Variants in CELF4 observed in about 807,000 individuals in gnomAD.
CELF4 encodes the protein CUG-BP- and ETR-3-like factor 4.
In CELF4, 18 loss-of-function variants were observed where a neutral mutation model predicts 59.9. That is an observed-to-expected ratio of 0.30 (90% CI 0.21 to 0.45). CELF4 has a LOEUF of 0.45. CELF4 is among the 20% of genes least tolerant of loss of function. The pLI is 1.00. For synonymous variants in CELF4, 261 were observed against 267.1 expected (o/e 0.98, Z 0.22); for missense variants, 456 against 689.0 (o/e 0.66, Z 3.79).
At chr18:37,469,603 A>G (rs193266535) in intron 2 of CELF4, among the ~76,000 whole-genome samples, 2 of 152,228 alleles carry the variant, frequency 1.3e-5, no homozygotes, top group South Asian at 4.1e-4. Flanking sequence ...AATTAAAACA[A>G]GCACATCGCA....
At chr18:37,428,605 T>C (rs966412725) in intron 2 of CELF4, among the ~76,000 whole-genome samples, 2 of 152,232 alleles carry the variant, frequency 1.3e-5, no homozygotes, top group Non-Finnish European at 1.5e-5. Context: ...ACAGGACTTA[T>C]GATTTCAGTT....
At chr18:37,281,185 C>T (rs886798757) in intron 3 of CELF4, among the ~76,000 whole-genome samples, 16 of 152,244 alleles carry the variant, frequency 1.1e-4, no homozygotes, top group African/African-American at 3.9e-4. Flanking sequence ...TCTGCTGCCC[C>T]ACCCTAGCCA....
intron 2 of CELF4, among the ~76,000 whole-genome samples, chr18:37,380,792 A>AATCCATGAATCCATCC (rs1557394355): frequency 1.5e-5 from 2 of 134,758 alleles, no homozygotes; most frequent in African/African-American, 5.8e-5. Context: ...TTTCTCCATG[A>AATCCATGAATCCATCC]ATCCATCCAT....
intron 1 of CELF4, among the ~76,000 whole-genome samples, chr18:37,534,243 G>T (rs551534191): frequency 4.5e-4 from 68 of 152,162 alleles, no homozygotes; most frequent in African/African-American, 1.5e-3. Flanking sequence ...TACAGTCCTC[G>T]CCGTCATTAA....
At chr18:37,390,108 C>A (rs962821326) in intron 2 of CELF4, among the ~76,000 whole-genome samples, 1 of 152,220 alleles carries the variant, frequency 6.6e-6, no homozygotes, top group African/African-American at 2.4e-5. Context: ...CTGCTAGCTC[C>A]AGGATGGCTT....
At chr18:37,518,339 C>T (rs1381215560) in intron 1 of CELF4, among the ~76,000 whole-genome samples, 4 of 152,174 alleles carry the variant, frequency 2.6e-5, no homozygotes, top group Non-Finnish European at 5.9e-5. Context: ...GGGCAATAAG[C>T]GACACACAGC....
chr18:37,429,668 C>T (rs1043272816), intron 2 of CELF4, among the ~76,000 whole-genome samples: 8 of 152,158 alleles, frequency 5.3e-5, no homozygotes, highest in African/African-American at 1.9e-4. Flanking sequence ...TCAGCACACA[C>T]CACTGCCTCT....
intron 2 of CELF4, among the ~76,000 whole-genome samples, chr18:37,373,836 C>T (rs1356292106): frequency 1.3e-5 from 2 of 152,180 alleles, no homozygotes; most frequent in Non-Finnish European, 2.9e-5. Flanking sequence ...CGTGAGAGGC[C>T]CAGGTGGGCA....
chr18:37,385,207 G>T (rs1443172408), intron 2 of CELF4, among the ~76,000 whole-genome samples: 1 of 152,072 alleles, frequency 6.6e-6, no homozygotes, highest in African/African-American at 2.4e-5. Flanking sequence ...AATTAGCCGG[G>T]TGTGGTGGCA....
In CELF4 at chr18:37,295,917, G is replaced by A. The variant is rs183560760; in HGVS notation, c.449-20674C>T. ...AATGGTGTCACTTGTGTGGGTCTTC[G>A]CTTTCTCTTGCAGATGTGGTAGTGT... On this transcript the variant is annotated intron_variant, in intron 3 of 12. Transcript: ENST00000420428. Among the ~76,000 whole-genome samples the A allele has an allele frequency of 3.8e-3, 576 of 152,294 alleles. 2 individuals are homozygous for A. Among genetic ancestry groups the A allele is most frequent in the Non-Finnish European group, 5.8e-3 (392 of 68,028 alleles).
chr18:37,416,466 G>A (rs1025270970), intron 2 of CELF4, among the ~76,000 whole-genome samples: 1 of 152,144 alleles, frequency 6.6e-6, no homozygotes, highest in Non-Finnish European at 1.5e-5. Context: ...TGGGTGTCTT[G>A]TCTTTTTAGC....
chr18:37,250,998 G>A (rs923072738), intron 12 of CELF4, among the ~76,000 whole-genome samples: 1 of 152,128 alleles, frequency 6.6e-6, no homozygotes, highest in Middle Eastern at 3.2e-3. Context: ...AGGGTACTCT[G>A]GGGTAATAGG....
At chr18:37,263,519 AGAG>A (rs1361354183) in intron 10 of CELF4, among the ~76,000 whole-genome samples, 3 of 151,968 alleles carry the variant, frequency 2.0e-5, no homozygotes, top group African/African-American at 7.3e-5. Context: ...ATAGGGGTAG[AGAG>A]GATGGGACCT....
chr18:37,541,207 A>G (rs909187989), intron 1 of CELF4, among the ~76,000 whole-genome samples: 1 of 151,978 alleles, frequency 6.6e-6, no homozygotes, highest in African/African-American at 2.4e-5. Context: ...CTGCCTTCCT[A>G]ATGCCTCTCC....
intron 2 of CELF4, among the ~76,000 whole-genome samples, chr18:37,461,679 T>C (rs1276283846): frequency 1.3e-5 from 2 of 152,194 alleles, no homozygotes; most frequent in African/African-American, 4.8e-5. Flanking sequence ...GCTGTCCTGC[T>C]AAGCAATGTG....
At chr18:37,445,775 AGAG>A (rs1289508832) in intron 2 of CELF4, among the ~76,000 whole-genome samples, 4 of 152,136 alleles carry the variant, frequency 2.6e-5, no homozygotes, top group Non-Finnish European at 5.9e-5. Flanking sequence ...GAGAAGCTGA[AGAG>A]GAGAAGAGGC....
chr18:37,339,573 G>A (rs2097913525), intron 2 of CELF4, among the ~76,000 whole-genome samples: 1 of 152,094 alleles, frequency 6.6e-6, no homozygotes, highest in Non-Finnish European at 1.5e-5. Flanking sequence ...AGCCAACATA[G>A]TGAAACCCCA....
At chr18:37,321,938 C>T (rs1000890278) in intron 2 of CELF4, 57 bp from the exon 3 acceptor site, 6 of 1,428,056 alleles carry the variant, frequency 4.2e-6, no homozygotes, top group East Asian at 2.3e-5. Flanking sequence ...AGGGGACAGA[C>T]ACCCAGCACT....
chr18:37,524,870 C>A (rs1026041231), intron 1 of CELF4, among the ~76,000 whole-genome samples: 1 of 152,132 alleles, frequency 6.6e-6, no homozygotes, highest in Non-Finnish European at 1.5e-5. Flanking sequence ...GGGGCGCAGC[C>A]GGGCTGGGCT....
Sources: allele counts gnomAD v4.1 joint callset (sites outside exome capture counted in the v4.1 genomes callset), GRCh38; gene constraint gnomAD v4.1.1; transcripts MANE v1.5; gene names NCBI Gene and HGNC (gene_info 2026-07-23, HGNC 2026-07-21).